Variants in HS3ST4 observed in about 807,000 individuals in gnomAD.
HS3ST4 encodes heparan sulfate-glucosamine 3-sulfotransferase 4.
Under a neutral mutation model 29.2 loss-of-function variants are expected in HS3ST4, and 17 were observed. The ratio of observed to expected loss-of-function variants is 0.58; its 90% confidence interval spans 0.40 to 0.87. HS3ST4 has a LOEUF of 0.87. Among genes scored for constraint, HS3ST4 ranks in the 40% least tolerant of loss-of-function variants. The pLI, the probability that HS3ST4 is intolerant of heterozygous loss-of-function variation, is 0.00. For missense variants in HS3ST4, 627 were observed against 634.5 expected, an observed-to-expected ratio of 0.99 and a Z score of 0.13; for synonymous variants, 314 against 285.7, an observed-to-expected ratio of 1.10 and a Z score of -1.00.
chr16:25,983,112 A>G (rs1014255224), intron 1 of HS3ST4, among the ~76,000 whole-genome samples: 1 of 152,130 alleles, frequency 6.6e-6, no homozygotes, highest in Non-Finnish European at 1.5e-5. Flanking sequence ...TGCTAGGAGG[A>G]GAATGAGTGG....
chr16:25,915,093 C>G (rs1968279192), intron 1 of HS3ST4, among the ~76,000 whole-genome samples: 1 of 152,104 alleles, frequency 6.6e-6, no homozygotes, highest in Non-Finnish European at 1.5e-5. Flanking sequence ...GTCGTGACAA[C>G]CAATAACGAC....
chr16:25,695,809 C>T (rs1596546055), intron 1 of HS3ST4, among the ~76,000 whole-genome samples: 1 of 152,258 alleles, frequency 6.6e-6, no homozygotes, highest in South Asian at 2.1e-4. Flanking sequence ...TTTAATTTTT[C>T]CACTGTTTAT....
At chr16:26,095,902 C>G (rs1005232093) in intron 1 of HS3ST4, among the ~76,000 whole-genome samples, 3 of 151,272 alleles carry the variant, frequency 2.0e-5, no homozygotes, top group Non-Finnish European at 4.4e-5. Context: ...AGAGAAGAAT[C>G]AAATAGATGC....
chr16:25,870,941 A>G (rs1264623535), intron 1 of HS3ST4, among the ~76,000 whole-genome samples: 2 of 152,208 alleles, frequency 1.3e-5, no homozygotes, highest in Non-Finnish European at 2.9e-5. Context: ...CCACAAAGAA[A>G]GGAGACAAAT....
At chr16:25,725,459 C>A (rs1340704268) in intron 1 of HS3ST4, among the ~76,000 whole-genome samples, 1 of 152,120 alleles carries the variant, frequency 6.6e-6, no homozygotes, top group South Asian at 2.1e-4. Flanking sequence ...CAGAGGATAT[C>A]TTTTCTGTGC....
chr16:25,949,559 C>A (rs1291173629), intron 1 of HS3ST4, among the ~76,000 whole-genome samples: 1 of 152,098 alleles, frequency 6.6e-6, no homozygotes, highest in Non-Finnish European at 1.5e-5. Context: ...TTGGGAACTA[C>A]TGCAATAGGG....
intron 1 of HS3ST4, among the ~76,000 whole-genome samples, chr16:26,135,352 C>T (rs918681688): frequency 2.6e-5 from 4 of 152,030 alleles, no homozygotes; most frequent in Non-Finnish European, 5.9e-5. Context: ...TTAAACATAA[C>T]TGGTAAGAGG....
At chr16:26,104,539 G>A (rs1361575408) in intron 1 of HS3ST4, among the ~76,000 whole-genome samples, 1 of 152,164 alleles carries the variant, frequency 6.6e-6, no homozygotes, top group Admixed American at 6.5e-5. Flanking sequence ...AGAGCCCCAG[G>A]ACTCAGTCCT....
At chr16:25,737,145 T>C (rs1442320789) in intron 1 of HS3ST4, among the ~76,000 whole-genome samples, 3 of 152,194 alleles carry the variant, frequency 2.0e-5, no homozygotes, top group Admixed American at 6.5e-5. Context: ...ATGTGCACCA[T>C]TGAATACTAC....
At chr16:25,898,114 T>C (rs1190193558) in intron 1 of HS3ST4, among the ~76,000 whole-genome samples, 1 of 152,230 alleles carries the variant, frequency 6.6e-6, no homozygotes, top group African/African-American at 2.4e-5. Flanking sequence ...CATGGAGAGC[T>C]GCAGAATCTT....
intron 1 of HS3ST4, among the ~76,000 whole-genome samples, chr16:25,903,323 A>ATACATATGTATATGTATATATTATG (rs1968139484): frequency 8.6e-6 from 1 of 115,768 alleles, no homozygotes; most frequent in African/African-American, 3.3e-5. Flanking sequence ...TATATATTAT[A>ATACATATGTATATGTATATATTATG]TATATGTATA....
intron 1 of HS3ST4, among the ~76,000 whole-genome samples, chr16:25,789,839 A>G (rs1016753406): frequency 2.6e-5 from 4 of 152,210 alleles, no homozygotes; most frequent in Non-Finnish European, 5.9e-5. Flanking sequence ...TAAAGTATAT[A>G]ATTCTTGTGT....
At chr16:26,014,186 T>C (rs1441141723) in intron 1 of HS3ST4, among the ~76,000 whole-genome samples, 2 of 152,280 alleles carry the variant, frequency 1.3e-5, no homozygotes, top group East Asian at 1.9e-4. Flanking sequence ...TCTATCCTAC[T>C]AGTATGTAAA....
chr16:26,097,983 A>C (rs546012393), intron 1 of HS3ST4, among the ~76,000 whole-genome samples: 222 of 152,372 alleles, frequency 1.5e-3, no homozygotes, highest in Middle Eastern at 3.4e-3. Context: ...ACATGAAAAA[A>C]TGCTCATCAT....
chr16:25,943,706 A>G lies in HS3ST4; in HGVS notation c.735-191906A>G, dbSNP rs1968597160. 2.0e-5 allele frequency among the ~76,000 whole-genome samples: 3 copies of G among 152,200 alleles called. No individual in the cohort carries two copies. In the South Asian group the frequency reaches 6.2e-4, roughly 32 times the overall value. ...GTTATCAAATTCTGATGTAAAACCA[A>G]CTACAACATAATCATGGTAATAAGC... is the stretch of plus-strand genomic sequence containing the variant. On this transcript the variant is annotated intron_variant, in intron 1 of 1. Coordinates refer to ENST00000331351, the MANE Select transcript of HS3ST4 (RefSeq NM_006040.3).
chr16:26,016,895 T>C (rs910469231), intron 1 of HS3ST4, among the ~76,000 whole-genome samples: 5 of 152,182 alleles, frequency 3.3e-5, no homozygotes, highest in Admixed American at 2.6e-4. Flanking sequence ...GACAGAGCCT[T>C]GACATTATCC....
At chr16:25,716,779 C>T (rs748767241) in intron 1 of HS3ST4, among the ~76,000 whole-genome samples, 8 of 152,186 alleles carry the variant, frequency 5.3e-5, no homozygotes, top group Non-Finnish European at 8.8e-5. Context: ...TTAGGTCAGA[C>T]GCGGTGGCTC....
intron 1 of HS3ST4, among the ~76,000 whole-genome samples, chr16:25,892,192 G>A (rs1968016180): frequency 6.6e-6 from 1 of 152,140 alleles, no homozygotes; most frequent in African/African-American, 2.4e-5. Context: ...GAGAGATGAT[G>A]AGTTGCTTCT....
intron 1 of HS3ST4, among the ~76,000 whole-genome samples, chr16:25,744,251 G>GT (rs1231934402): frequency 6.6e-6 from 1 of 152,172 alleles, no homozygotes; most frequent in East Asian, 1.9e-4. Context: ...TCCTGGAGAG[G>GT]TATAACTTTT....
Sources: allele counts gnomAD v4.1 joint callset (sites outside exome capture counted in the v4.1 genomes callset), GRCh38; gene constraint gnomAD v4.1.1; transcripts MANE v1.5; gene names NCBI Gene and HGNC (gene_info 2026-07-23, HGNC 2026-07-21).